The following ALKBH7 variants were observed in gnomAD, a reference collection of about 807,000 sequenced individuals.
ALKBH7 encodes alkB homolog 7, RNA demethylase.
A neutral mutation model predicts 19.3 loss-of-function variants in ALKBH7; 21 were observed. The observed-to-expected ratio is 1.09, with a 90% CI of 0.77 to 1.56. ALKBH7 has a LOEUF of 1.56. ALKBH7 is among the 40% of genes most tolerant of loss of function. The probability of loss-of-function intolerance (pLI) is 0.00; values close to 1 mark genes in which losing one functional copy is unlikely to be tolerated. For missense variants in ALKBH7, 354 were observed against 311.4 expected, an observed-to-expected ratio of 1.14 and a Z score of -1.03; for synonymous variants, 147 against 139.5, an observed-to-expected ratio of 1.05 and a Z score of -0.38.
Position 6,372,880 on chromosome 19 carries a change from C to G in ALKBH7, c.60C>G (p.Gly20=). The G allele has an allele frequency of 1.9e-6, 3 of 1,550,780 alleles. No individual in the cohort carries two copies. Among genetic ancestry groups the G allele is most frequent in the Non-Finnish European group, 2.6e-6 (3 of 1,150,888 alleles). The change falls in exon 1 of 4, where the codon GGC becomes GGG. Residue 20 remains glycine (G), a synonymous_variant. Coordinates refer to ENST00000245812, the MANE Select transcript of ALKBH7 (RefSeq NM_032306.4). The part of the protein sequence containing the change: ...RTLPGPSWVR[G]SGPSVLSRLQ... ...TGCCAGGGCCCAGCTGGGTGCGAGG[C>G]TCGGGCCCTTCCGTGCTGAGCCGCC...
intron 3 of ALKBH7, 38 bp downstream of exon 3, chr19:6,374,627 G>A: frequency 1.9e-6 from 3 of 1,611,854 alleles, no homozygotes. Flanking sequence ...CTCCAAGAAT[G>A]TGCCATCCGC....
chr19:6,374,010 G>C, intron 1 of ALKBH7, 193 bp from the exon 2 acceptor site: 8 of 985,164 alleles, frequency 8.1e-6, no homozygotes, highest in Non-Finnish European at 8.4e-6. Context: ...TGGAATTGTA[G>C]CCTCAGGGTG....
chr19:6,374,076 G>A, intron 1 of ALKBH7, 127 bp from the exon 2 acceptor site: 8 of 1,536,896 alleles, frequency 5.2e-6, no homozygotes, highest in Non-Finnish European at 7.0e-6. Context: ...GGCTAGGGGA[G>A]TTTGAGTTGA....
chr19:6,374,136 C>T (rs929253833), intron 1 of ALKBH7, 67 bp from the exon 2 acceptor site: 2 of 1,584,106 alleles, frequency 1.3e-6, no homozygotes, highest in African/African-American at 1.4e-5. Context: ...CCGTTTTCTG[C>T]CCCTCCTTGC....
Position 6,375,228 on chromosome 19 carries a change from T to C in ALKBH7, c.*255T>C. 1 of 1,378,212 alleles carries C rather than the reference T, an allele frequency of 7.3e-7. No individual in the cohort carries two copies. The highest frequency in any genetic ancestry group is 9.4e-7 in the Non-Finnish European group (1 of 1,069,320). The allele number at this position is 1,378,212 out of a possible 1,614,324, so 85.4% of individuals were successfully genotyped here. A position where few individuals can be genotyped will look rare whatever the true frequency, so the allele number is the denominator to read the frequency against. On this transcript the variant is annotated 3_prime_UTR_variant, in exon 4 of 4. Coordinates refer to ENST00000245812, the MANE Select transcript of ALKBH7 (RefSeq NM_032306.4). ...CCTCCTCGTTGTCTCTGCATCCAGGTCTCCAATAAATAAGTCAGCCGAGCT... is the reference window on the plus strand; with the variant it reads ...CCTCCTCGTTGTCTCTGCATCCAGGCCTCCAATAAATAAGTCAGCCGAGCT...
chr19:6,374,944 G>A lies in ALKBH7; in HGVS notation c.637G>A (p.Glu213Lys), dbSNP rs1444165041. 2 of 1,607,920 alleles carry A rather than the reference G, an allele frequency of 1.2e-6. No homozygotes were observed. The highest frequency in any genetic ancestry group is 1.7e-6 in the Non-Finnish European group (2 of 1,175,662). Residue 213 changes from glutamate to lysine, a missense_variant, in exon 4 of 4, where the codon GAG becomes AAG. By Grantham distance (56) the Glu-to-Lys change is moderately conservative. Coordinates refer to ENST00000245812, the MANE Select transcript of ALKBH7 (RefSeq NM_032306.4). The part of the protein sequence containing the change: ...RSLPEGMGPG[E>K]SGQPPPAC ...CCTCCCTGAGGGCATGGGGCCAGGGGAGTCTGGACAGCCGCCCCCAGCCTG... is the reference window on the plus strand; with the variant it reads ...CCTCCCTGAGGGCATGGGGCCAGGGAAGTCTGGACAGCCGCCCCCAGCCTG...
chr19:6,374,673 C>T (rs1462352679), intron 3 of ALKBH7, 84 bp downstream of exon 3: 6 of 1,605,986 alleles, frequency 3.7e-6, no homozygotes, highest in Non-Finnish European at 5.1e-6. Flanking sequence ...CTCAATCCAG[C>T]CCTCCCCGAA....
rs374929974 is a variant in ALKBH7 at position 6,374,193 on chromosome 19, C to T, written c.205-10C>T. 1.9e-6 allele frequency: 3 copies of T among 1,610,870 alleles called. No homozygotes were observed. Among genetic ancestry groups the T allele is most frequent in the Admixed American group, 3.4e-5 (2 of 58,880 alleles). ...GGGAGCTCCCAGGCTTAACCGAGCT[C>T]TCTGTGCAGGCCATCCACGGCTTCC... On this transcript the variant is annotated splice_polypyrimidine_tract_variant and intron_variant, in intron 1 of 3. Transcript: ENST00000245812.
chr19:6,373,714 C>G lies in ALKBH7; in HGVS notation c.205-489C>G, dbSNP rs114001797. On this transcript the variant is annotated intron_variant, in intron 1 of 3. Transcript: ENST00000245812. ...GGGGCGGAGATAGGGGAGACACATG[C>G]TGGGATGGGGCAGGGCCTTTTTGGG... 1.1e-4 allele frequency: 135 copies of G among 1,245,172 alleles called. No individual in the cohort carries two copies. In the African/African-American group the frequency reaches 1.8e-3, roughly 17 times the overall value. 77.1% of individuals were successfully genotyped at this position (1,245,172 alleles called of 1,614,324 possible). A position where few individuals can be genotyped will look rare whatever the true frequency, so the allele number is the denominator to read the frequency against.
chr19:6,373,087 G>A, intron 1 of ALKBH7, 63 bp downstream of exon 1: 1 of 1,509,082 alleles, frequency 6.6e-7, no homozygotes, highest in Admixed American at 2.1e-5. Context: ...CTGGGGACGT[G>A]GAGCATCAGA....
chr19:6,375,175 C>G lies in ALKBH7; in HGVS notation c.*202C>G, dbSNP rs2091915505. 1.5e-6 allele frequency: 2 copies of G among 1,298,636 alleles called. No individual in the cohort carries two copies. 80.4% of individuals were successfully genotyped at this position (1,298,636 alleles called of 1,614,324 possible). Reference sequence around the variant, plus strand: ...CGGGAGAGTGGTGTCCTTTATTGCACTCACTGCTGGTCGCCCCAGCCCACT... The same window carrying G: ...CGGGAGAGTGGTGTCCTTTATTGCAGTCACTGCTGGTCGCCCCAGCCCACT... On this transcript the variant is annotated 3_prime_UTR_variant, in exon 4 of 4. Transcript: ENST00000245812.
At chr19:6,374,731 TC>T in intron 3 of ALKBH7, 79 bp from the exon 4 acceptor site, 1 of 1,593,872 alleles carries the variant, frequency 6.3e-7, no homozygotes, top group Non-Finnish European at 8.6e-7. Context: ...GGGGCTGGAA[TC>T]CAGGAGGCTG....
Position 6,374,482 on chromosome 19 carries a change from C to T in ALKBH7, c.396C>T (p.Ile132=), listed in dbSNP as rs778956115. The T allele has an allele frequency of 6.2e-7, 1 of 1,613,986 alleles. No individual in the cohort carries two copies. Among genetic ancestry groups the T allele is most frequent in the Non-Finnish European group, 8.5e-7 (1 of 1,179,934 alleles). The change falls in exon 3 of 4, where the codon ATC becomes ATT. Residue 132 remains isoleucine (I), a synonymous_variant. Coordinates refer to ENST00000245812, the MANE Select transcript of ALKBH7 (RefSeq NM_032306.4). The part of the protein sequence containing the change: ...VDSIKFCGAT[I]AGLSLLSPSV... ...TTTTGCAGTTCTGCGGGGCCACCATCGCCGGCCTGTCTCTCCTGTCTCCCA... is the reference window on the plus strand; with the variant it reads ...TTTTGCAGTTCTGCGGGGCCACCATTGCCGGCCTGTCTCTCCTGTCTCCCA...
intron 1 of ALKBH7, among the ~76,000 whole-genome samples, 185 bp downstream of exon 1, chr19:6,373,209 T>A (rs549318620): frequency 1.4e-3 from 192 of 135,846 alleles, no homozygotes; most frequent in African/African-American, 5.3e-3. Flanking sequence ...ACAGTACCGT[T>A]TAGCGTGGGG....
chr19:6,372,847 G>A lies in ALKBH7; in HGVS notation c.27G>A (p.Leu9=). 2 of 1,547,860 alleles carry A rather than the reference G, an allele frequency of 1.3e-6. No homozygotes were observed. The highest frequency in any genetic ancestry group is 1.9e-5 in the Admixed American group (1 of 51,604). Residue 9 remains leucine, a synonymous_variant, in exon 1 of 4, where the codon CTG becomes CTA. Transcript: ENST00000245812. MAGTGLLA[L]RTLPGPSWVR... ...TGGCCGGGACTGGGCTGCTGGCGCT[G>A]CGGACGCTGCCAGGGCCCAGCTGGG... is the stretch of plus-strand genomic sequence containing the variant.
Position 6,374,477 on chromosome 19 carries a change from A to T in ALKBH7, c.391A>T (p.Thr131Ser). Reference sequence around the variant, plus strand: ...GCCTCTTTTGCAGTTCTGCGGGGCCACCATCGCCGGCCTGTCTCTCCTGTC... The same window carrying T: ...GCCTCTTTTGCAGTTCTGCGGGGCCTCCATCGCCGGCCTGTCTCTCCTGTC... ...HVDSIKFCGA[T>S]IAGLSLLSPS... The change falls in exon 3 of 4, where the codon ACC (threonine) becomes TCC (serine). Residue 131 changes from threonine (T) to serine (S), a missense_variant. By Grantham distance (58) the Thr-to-Ser change is moderately conservative. Transcript: ENST00000245812. 1 of 1,613,688 alleles carries T rather than the reference A, an allele frequency of 6.2e-7. No homozygotes were observed. The highest frequency in any genetic ancestry group is 1.1e-5 in the South Asian group (1 of 91,074).
chr19:6,373,049 A>G, intron 1 of ALKBH7, 25 bp downstream of exon 1: 1 of 1,543,518 alleles, frequency 6.5e-7, no homozygotes, highest in South Asian at 1.2e-5. Flanking sequence ...GCCGGGGGCG[A>G]GGGACGGGGG....
At position 6,373,128 on chromosome 19, in the gene ALKBH7, AGAGCGGGGATTTG is replaced by A. The variant is rs2091899736; in HGVS notation, c.204+114_204+126del. 12 of 1,385,608 alleles carry A rather than the reference AGAGCGGGGATTTG, an allele frequency of 8.7e-6. No individual in the cohort carries two copies. The Admixed American group carries it at 9.9e-5, about 11-fold the overall frequency. 85.8% of individuals were successfully genotyped at this position (1,385,608 alleles called of 1,614,324 possible). A position where few individuals can be genotyped will look rare whatever the true frequency, so the allele number is the denominator to read the frequency against. Reference sequence around the variant, plus strand: ...CGGGGACACGCTGGGGGCGGTACCTAGAGCGGGGATTTGGAGCGGGGACAGAGGAGACGAGCGC... The same window carrying A: ...CGGGGACACGCTGGGGGCGGTACCTAGAGCGGGGACAGAGGAGACGAGCGC... On this transcript the variant is annotated intron_variant, in intron 1 of 3. Transcript: ENST00000245812.
intron 1 of ALKBH7, chr19:6,373,697 G>C: frequency 8.0e-7 from 1 of 1,253,966 alleles, no homozygotes; most frequent in Non-Finnish European, 1.0e-6. Flanking sequence ...TGGGGGCGGA[G>C]ATAGGGGAGA....
Sources: allele counts gnomAD v4.1 joint callset (sites outside exome capture counted in the v4.1 genomes callset), GRCh38; gene constraint gnomAD v4.1.1; transcripts MANE v1.5; gene names NCBI Gene and HGNC (gene_info 2026-07-23, HGNC 2026-07-21).